Variants in CUL2 observed in about 807,000 individuals in gnomAD.
CUL2 encodes cullin 2, also known as cullin-2.
CUL2 carries 22 observed loss-of-function variants against 110.2 expected under a neutral mutation model. The ratio of observed to expected loss-of-function variants is 0.20; its 90% CI spans 0.14 to 0.28. CUL2 has a LOEUF of 0.28. Among genes scored for constraint, CUL2 ranks in the 10% least tolerant of loss-of-function variants. CUL2 has a pLI of 1.00. For synonymous variants in CUL2, 279 were observed against 293.2 expected (o/e 0.95, Z 0.49); for missense variants, 631 against 905.5 (o/e 0.70, Z 3.89).
Position 35,120,607 on chromosome 10 carries a change from A to G in CUL2, c.-51+5998T>C, listed in dbSNP as rs2087666534. ...ATGCTGAAAGGAAATTGCCTAAAGA[A>G]TGTGCTGAAAAATGGCTGGGCTCAT... On this transcript the variant is annotated intron_variant, in intron 1 of 5. Transcript: ENST00000685421. The G allele has an allele frequency of 2.0e-5, 3 of 152,128 alleles. No homozygotes were observed. The South Asian group carries it at 6.2e-4, about 32-fold the overall frequency. The allele number at this position is 152,128 out of a possible 1,614,324, so 9.4% of individuals were successfully genotyped here. A position where few individuals can be genotyped will look rare whatever the true frequency, so the allele number is the denominator to read the frequency against.
intron 1 of CUL2, among the ~76,000 whole-genome samples, chr10:35,105,446 C>T (rs1199484263): frequency 6.6e-6 from 1 of 151,000 alleles, no homozygotes; most frequent in Non-Finnish European, 1.5e-5. Flanking sequence ...AAACAAAAAA[C>T]TAAGTAATTG....
chr10:35,122,859 C>T (rs1289328972), intron 1 of CUL2, among the ~76,000 whole-genome samples: 1 of 152,144 alleles, frequency 6.6e-6, no homozygotes, highest in Non-Finnish European at 1.5e-5. Flanking sequence ...GCTGTTTGTT[C>T]TCAAACTCCT....
chr10:35,102,653 G>A (rs1488819102), intron 1 of CUL2, among the ~76,000 whole-genome samples: 2 of 151,288 alleles, frequency 1.3e-5, no homozygotes, highest in Non-Finnish European at 2.9e-5. Flanking sequence ...GAGAGACCGA[G>A]GCGGGTGGAT....
intron 5 of CUL2, among the ~76,000 whole-genome samples, chr10:35,053,536 T>C (rs1368494398): frequency 2.6e-5 from 4 of 152,222 alleles, no homozygotes; most frequent in Non-Finnish European, 5.9e-5. Context: ...TGTTCAGCCA[T>C]TAGGCACCCT....
intron 10 of CUL2, 64 bp from the exon 11 acceptor site, chr10:35,033,337 G>T: frequency 9.1e-7 from 1 of 1,098,282 alleles, no homozygotes; most frequent in East Asian, 2.4e-5. Flanking sequence ...AAACTATGAG[G>T]TTTATTAGAC....
At chr10:35,091,152 T>C (rs1404861748), upstream of CUL2, among the ~76,000 whole-genome samples, 2 of 152,186 alleles carry the variant, frequency 1.3e-5, no homozygotes, top group Admixed American at 1.3e-4. Flanking sequence ...GATAAAAATA[T>C]AGAATTACTC....
At chr10:35,114,520 T>A (rs980250948) in intron 1 of CUL2, among the ~76,000 whole-genome samples, 1 of 150,212 alleles carries the variant, frequency 6.7e-6, no homozygotes, top group African/African-American at 2.4e-5. Flanking sequence ...GTAGCTGGGA[T>A]TACAGGCGCC....
chr10:35,103,337 T>G (rs2087411887), intron 1 of CUL2, among the ~76,000 whole-genome samples: 2 of 142,274 alleles, frequency 1.4e-5, no homozygotes, highest in Non-Finnish European at 3.1e-5. Flanking sequence ...TTTTTTATTT[T>G]TTTTTGAGAC....
chr10:35,082,529 C>T (rs943159271), intron 1 of CUL2, among the ~76,000 whole-genome samples: 19 of 152,162 alleles, frequency 1.2e-4, no homozygotes, highest in African/African-American at 4.3e-4. Flanking sequence ...CACCACTAAA[C>T]TATACCCTTA....
At chr10:35,025,617 A>G (rs2085317941) in intron 16 of CUL2, among the ~76,000 whole-genome samples, 1 of 152,218 alleles carries the variant, frequency 6.6e-6, no homozygotes, top group Admixed American at 6.5e-5. Context: ...TAGCTTCCAC[A>G]TTCAATTAGA....
At chr10:35,037,871 T>C (rs997862289) in intron 9 of CUL2, among the ~76,000 whole-genome samples, 4 of 150,902 alleles carry the variant, frequency 2.7e-5, no homozygotes, top group African/African-American at 7.3e-5. Flanking sequence ...GCCTGATTAA[T>C]GGCCGGGCGC....
chr10:35,113,108 G>A (rs1021453058), intron 1 of CUL2, among the ~76,000 whole-genome samples: 8 of 149,900 alleles, frequency 5.3e-5, no homozygotes, highest in Non-Finnish European at 1.0e-4. Flanking sequence ...GCTTGAATCC[G>A]GGAGGTGGAG....
chr10:35,045,808 ACT>A (rs2134814249), intron 6 of CUL2, among the ~76,000 whole-genome samples: 2 of 152,304 alleles, frequency 1.3e-5, no homozygotes, highest in East Asian at 1.9e-4. Context: ...GGATTTTGTG[ACT>A]CTAGTACCAA....
intron 1 of CUL2, among the ~76,000 whole-genome samples, chr10:35,115,065 A>C (rs1311305687): frequency 6.6e-6 from 1 of 151,964 alleles, no homozygotes; most frequent in East Asian, 1.9e-4. Context: ...TACAAAAATT[A>C]GCTGGATGTG....
intron 1 of CUL2, among the ~76,000 whole-genome samples, chr10:35,080,438 TTTA>T (rs2086917976): frequency 1.7e-4 from 11 of 62,932 alleles, no homozygotes; most frequent in African/African-American, 5.0e-4. Context: ...CCTATTTTTA[TTTA>T]TTTATTTATT....
chr10:35,054,354 T>C, intron 5 of CUL2, 80 bp downstream of exon 5: 2 of 767,838 alleles, frequency 2.6e-6, no homozygotes, highest in Non-Finnish European at 4.3e-6. Flanking sequence ...ATCAGTGTCC[T>C]TAAAAAATGA....
intron 1 of CUL2, among the ~76,000 whole-genome samples, chr10:35,083,154 CA>C (rs35028347): frequency 0.025 from 2,794 of 110,978 alleles, 39 homozygotes; most frequent in African/African-American, 0.061. Flanking sequence ...GACTCCATCT[CA>C]AAAAAAAAAA....
chr10:35,099,838 A>T (rs1224737098), intron 2 of CUL2, among the ~76,000 whole-genome samples: 1 of 152,208 alleles, frequency 6.6e-6, no homozygotes, highest in Admixed American at 6.5e-5. Flanking sequence ...CAATAAATAA[A>T]ATATGTGTTA....
intron 1 of CUL2, among the ~76,000 whole-genome samples, chr10:35,082,637 T>C (rs2086971362): frequency 6.6e-6 from 1 of 152,194 alleles, no homozygotes; most frequent in South Asian, 2.1e-4. Context: ...AGTATCTGAA[T>C]CTCACTGCAA....
Sources: allele counts gnomAD v4.1 joint callset (sites outside exome capture counted in the v4.1 genomes callset), GRCh38; gene constraint gnomAD v4.1.1; transcripts MANE v1.5; gene names NCBI Gene and HGNC (gene_info 2026-07-23, HGNC 2026-07-21).